OSBP: variants seen among roughly 807,000 people sequenced by gnomAD.
OSBP encodes oxysterol-binding protein 1.
OSBP carries 32 observed loss-of-function variants against 96.6 expected under a neutral mutation model. The ratio of observed to expected loss-of-function variants is 0.33; its 90% confidence interval spans 0.25 to 0.45. The LOEUF is 0.45. Ranked by LOEUF, OSBP falls within the 20% of genes least tolerant of loss-of-function variation. The pLI is 1.00. For synonymous variants in OSBP, 369 were observed against 389.6 expected (o/e 0.95, Z 0.62); for missense variants, 653 against 1,029.7 (o/e 0.63, Z 5.01).
chr11:59,598,826 G>C (rs902603950), intron 7 of OSBP, among the ~76,000 whole-genome samples: 6 of 152,208 alleles, frequency 3.9e-5, no homozygotes, highest in Non-Finnish European at 5.9e-5. Flanking sequence ...CTGACCTCAA[G>C]TGATGCACGT....
chr11:59,606,790 T>G (rs1860785750), intron 3 of OSBP, among the ~76,000 whole-genome samples: 1 of 152,236 alleles, frequency 6.6e-6, no homozygotes, highest in Admixed American at 6.5e-5. Flanking sequence ...AACACGTGTA[T>G]TATACTTAAG....
intron 9 of OSBP, among the ~76,000 whole-genome samples, chr11:59,585,898 G>C (rs1860493989): frequency 1.3e-5 from 2 of 152,180 alleles, no homozygotes; most frequent in Non-Finnish European, 2.9e-5. Flanking sequence ...AACATGTGCT[G>C]TGTCCACTCA....
At chr11:59,593,841 G>A (rs1282655376) in intron 8 of OSBP, 117 bp from the exon 9 acceptor site, 3 of 1,461,500 alleles carry the variant, frequency 2.1e-6, no homozygotes, top group African/African-American at 1.4e-5. Context: ...ACAACAGTAG[G>A]TGAATCCCAG....
intron 9 of OSBP, among the ~76,000 whole-genome samples, chr11:59,590,222 C>T (rs542561243): frequency 2.6e-5 from 4 of 152,296 alleles, no homozygotes; most frequent in Non-Finnish European, 5.9e-5. Context: ...AACAGAACCA[C>T]AATTTTGTAC....
intron 3 of OSBP, among the ~76,000 whole-genome samples, chr11:59,605,254 C>T (rs1409913153): frequency 1.3e-5 from 2 of 152,168 alleles, no homozygotes; most frequent in Non-Finnish European, 2.9e-5. Flanking sequence ...TTCTCTCCCC[C>T]ACAATTAACT....
chr11:59,592,768 C>A (rs2134662509), intron 9 of OSBP, among the ~76,000 whole-genome samples: 1 of 151,784 alleles, frequency 6.6e-6, no homozygotes, highest in Non-Finnish European at 1.5e-5. Flanking sequence ...AACTTGTAAT[C>A]CAATAAGAGT....
Position 59,574,530 on chromosome 11 carries a change from T to G in OSBP, c.*2047A>C, listed in dbSNP as rs1472142370. 2 of 152,624 alleles carry G rather than the reference T, an allele frequency of 1.3e-5. No homozygotes were observed. The highest frequency in any genetic ancestry group is 4.8e-5 in the African/African-American group (2 of 41,446). 9.5% of individuals were successfully genotyped at this position (152,624 alleles called of 1,614,324 possible). A position where few individuals can be genotyped will look rare whatever the true frequency, so the allele number is the denominator to read the frequency against. ...TTATTCCACCTGAAAGATTCTAAAC[T>G]TCTTCCATTAGCGGGAATCTGATTG... On this transcript the variant is annotated 3_prime_UTR_variant, in exon 14 of 14. Coordinates refer to ENST00000263847, the MANE Select transcript of OSBP (RefSeq NM_002556.3).
intron 3 of OSBP, among the ~76,000 whole-genome samples, chr11:59,605,012 G>A (rs1443526249): frequency 6.6e-6 from 1 of 151,558 alleles, no homozygotes; most frequent in Non-Finnish European, 1.5e-5. Flanking sequence ...AATTAGTCGG[G>A]TGTGGTAGTG....
intron 1 of OSBP, among the ~76,000 whole-genome samples, 170 bp downstream of exon 1, chr11:59,615,133 T>G (rs559211311): frequency 5.3e-4 from 81 of 152,266 alleles, no homozygotes; most frequent in African/African-American, 1.9e-3. Context: ...CAGGGGCTTT[T>G]CACTTTCGTG....
rs1860348214 is a variant in OSBP at position 59,575,239 on chromosome 11, G to A, written c.*1338C>T. Reference sequence around the variant, plus strand: ...CTGAAAAGAGAAAGAAAAGAGGCAGGAAAGAGGTTAGGATTTCATTTTCAA... The same window carrying A: ...CTGAAAAGAGAAAGAAAAGAGGCAGAAAAGAGGTTAGGATTTCATTTTCAA... On this transcript the variant is annotated 3_prime_UTR_variant, in exon 14 of 14. Coordinates refer to ENST00000263847, the MANE Select transcript of OSBP (RefSeq NM_002556.3). 6.6e-6 allele frequency: 1 copy of A among 152,226 alleles called. No individual in the cohort carries two copies. Among genetic ancestry groups the A allele is most frequent in the Non-Finnish European group, 1.5e-5 (1 of 68,058 alleles). 9.4% of individuals were successfully genotyped at this position (152,226 alleles called of 1,614,324 possible). A position where few individuals can be genotyped will look rare whatever the true frequency, so the allele number is the denominator to read the frequency against.
chr11:59,608,865 T>C (rs1451944619), intron 2 of OSBP, 131 bp from the exon 3 acceptor site: 6 of 859,350 alleles, frequency 7.0e-6, no homozygotes, highest in East Asian at 2.5e-5. Flanking sequence ...AAACTTGCCA[T>C]TACCAGATGG....
At chr11:59,615,251 T>C in intron 1 of OSBP, 52 bp downstream of exon 1, 1 of 1,462,672 alleles carries the variant, frequency 6.8e-7, no homozygotes. Flanking sequence ...GCTGGGACTG[T>C]TGGCAGATAT....
At chr11:59,611,038 G>T (rs1177416520) in intron 1 of OSBP, among the ~76,000 whole-genome samples, 1 of 151,440 alleles carries the variant, frequency 6.6e-6, no homozygotes, top group Non-Finnish European at 1.5e-5. Context: ...AGGAGGCTGA[G>T]GCAGGAGAAT....
chr11:59,613,355 A>G (rs1467874905), intron 1 of OSBP, among the ~76,000 whole-genome samples: 3 of 152,248 alleles, frequency 2.0e-5, no homozygotes, highest in Non-Finnish European at 4.4e-5. Context: ...AAAAGTGGTA[A>G]CAAATACTTA....
intron 7 of OSBP, among the ~76,000 whole-genome samples, chr11:59,597,748 A>C (rs558925512): frequency 3.9e-4 from 60 of 152,104 alleles, no homozygotes; most frequent in Admixed American, 5.9e-4. Flanking sequence ...GCTTGTTGTC[A>C]AGGCTGGAAT....
intron 1 of OSBP, among the ~76,000 whole-genome samples, chr11:59,614,530 C>A (rs567682478): frequency 6.6e-6 from 1 of 152,270 alleles, no homozygotes; most frequent in South Asian, 2.1e-4. Flanking sequence ...CCAAAATAAA[C>A]CTTGTTGAAC....
At position 59,615,572 on chromosome 11, in the gene OSBP, TC is replaced by T; in HGVS notation, c.92del (p.Gly31GlufsTer82). 1.5e-6 allele frequency: 2 copies of T among 1,370,872 alleles called. No homozygotes were observed. The highest frequency in any genetic ancestry group is 1.9e-6 in the Non-Finnish European group (2 of 1,058,034). 84.9% of individuals were successfully genotyped at this position (1,370,872 alleles called of 1,614,324 possible). A position where few individuals can be genotyped will look rare whatever the true frequency, so the allele number is the denominator to read the frequency against. The part of the protein sequence containing the change: ...GGGGAGPPVV[G>X]GGGGRGDAGP... ...CCGCATCTCCGCGGCCGCCGCCTCC[TC>T]CCACCACTGGGGGACCGGCGCCGCC... On this transcript the variant is annotated frameshift_variant, in exon 1 of 14. Coordinates refer to ENST00000263847, the MANE Select transcript of OSBP (RefSeq NM_002556.3). LOFTEE classifies it high-confidence loss of function.
In OSBP at chr11:59,593,639, TTGC is replaced by T; in HGVS notation, c.1640_1642del (p.Ser547del). On this transcript the variant is annotated inframe_deletion, in exon 9 of 14. Transcript: ENST00000263847. ...AATGGAGAGGTATTTGCCTCGAAAC[TTGC>T]TGGTGATTTTGATTTCCTGACGCAA... is the stretch of plus-strand genomic sequence containing the variant. 6.2e-7 allele frequency: 1 copy of T among 1,614,106 alleles called. No individual in the cohort carries two copies. The highest frequency in any genetic ancestry group is 8.5e-7 in the Non-Finnish European group (1 of 1,179,990).
intron 7 of OSBP, among the ~76,000 whole-genome samples, chr11:59,596,818 CACGGCTATAACCTCCT>C (rs1300640627): frequency 6.6e-6 from 1 of 152,114 alleles, no homozygotes; most frequent in Non-Finnish European, 1.5e-5. Flanking sequence ...AGAGACTTCC[CACGGCTATAACCTCCT>C]ACTGGTATCT....
Sources: gnomAD v4.1 joint callset for allele counts (sites outside exome capture counted in the v4.1 genomes callset) on GRCh38, gnomAD v4.1.1 for gene constraint, MANE v1.5 for transcripts, NCBI Gene and HGNC (gene_info 2026-07-23, HGNC 2026-07-21) for gene names.